Variants in TYW1B observed in about 807,000 individuals in gnomAD.
TYW1B encodes the protein S-adenosyl-L-methionine-dependent tRNA 4-demethylwyosine synthase TYW1B.
Under a neutral mutation model 86.9 loss-of-function variants are expected in TYW1B, and 73 were observed. That is an observed-to-expected ratio of 0.84 (90% CI 0.70 to 1.02). The LOEUF (loss-of-function observed/expected upper bound fraction) is 1.02. TYW1B is among the 50% of genes least tolerant of loss of function. The pLI is 0.00. For missense variants in TYW1B, 637 were observed against 827.4 expected (o/e 0.77, Z 2.82); for synonymous variants, 248 against 292.8 (o/e 0.85, Z 1.56).
chr7:72,660,832 T>C (rs1813310471), intron 11 of TYW1B, among the ~76,000 whole-genome samples: 1 of 151,984 alleles, frequency 6.6e-6, no homozygotes, highest in African/African-American at 2.4e-5. Flanking sequence ...AAAAATGCAC[T>C]TTAGAATTAG....
chr7:72,761,885 C>T (rs1266379657), intron 7 of TYW1B, among the ~76,000 whole-genome samples: 2 of 151,108 alleles, frequency 1.3e-5, no homozygotes, highest in Non-Finnish European at 2.9e-5. Flanking sequence ...AGCAGAAAGT[C>T]CCAGCACATC....
At chr7:72,669,134 CTTTTTTTTT>C (rs781821639) in intron 11 of TYW1B, among the ~76,000 whole-genome samples, 38 of 81,524 alleles carry the variant, frequency 4.7e-4, no homozygotes, top group Non-Finnish European at 5.6e-4. Flanking sequence ...TAATTTTAAA[CTTTTTTTTT>C]TTTTTTTTTT....
At chr7:72,793,299 T>G (rs35517441) in intron 6 of TYW1B, among the ~76,000 whole-genome samples, 102,398 of 150,880 alleles carry the variant, frequency 0.68, 35,709 homozygotes, top group Non-Finnish European at 0.77. Context: ...ATCGCATCAC[T>G]GCACTCCAGC....
rs114348696 is a variant in TYW1B, at chr7:72,818,839, C to T, written c.136-3358G>A. Among the ~76,000 whole-genome samples, 1,007 of 152,156 alleles carry T rather than the reference C, an allele frequency of 6.6e-3. 15 individuals carry two copies. Among genetic ancestry groups the T allele is most frequent in the African/African-American group, 0.021 (869 of 41,502 alleles). ...GCCAGATCTCATGAGAACTCACTCA[C>T]TGTCACGAGGACGGTACAAGGGAGA... On this transcript the variant is annotated intron_variant, in intron 2 of 13. Coordinates refer to ENST00000620995, the MANE Select transcript of TYW1B (RefSeq NM_001145440.3).
chr7:72,779,257 T>C (rs1198929638), intron 6 of TYW1B, among the ~76,000 whole-genome samples: 1 of 152,208 alleles, frequency 6.6e-6, no homozygotes, highest in Non-Finnish European at 1.5e-5. Flanking sequence ...AGGTCTGACA[T>C]TTGCTTCAAA....
chr7:72,662,338 C>T (rs1181085529), intron 11 of TYW1B, among the ~76,000 whole-genome samples: 1 of 151,994 alleles, frequency 6.6e-6, no homozygotes, highest in Non-Finnish European at 1.5e-5. Context: ...TGGACCAGGT[C>T]GGGGTCTCCC....
chr7:72,653,346 C>T (rs1813109692), intron 11 of TYW1B, among the ~76,000 whole-genome samples: 1 of 152,194 alleles, frequency 6.6e-6, no homozygotes, highest in African/African-American at 2.4e-5. Flanking sequence ...GTGGCTCACG[C>T]CTGTAATCCC....
chr7:72,783,137 G>T (rs564161533), intron 6 of TYW1B, among the ~76,000 whole-genome samples: 1 of 152,188 alleles, frequency 6.6e-6, no homozygotes, highest in East Asian at 1.9e-4. Context: ...GGTGGCTCAC[G>T]CCTGTAATCC....
chr7:72,638,579 T>C (rs1387994359), intron 11 of TYW1B, among the ~76,000 whole-genome samples: 4 of 152,192 alleles, frequency 2.6e-5, no homozygotes, highest in Admixed American at 1.3e-4. Context: ...ACCTGGAAGC[T>C]TTCCCATTAA....
At chr7:72,698,014 CA>C (rs1352513118) in intron 10 of TYW1B, 3 of 153,988 alleles carry the variant, frequency 1.9e-5, no homozygotes, top group Non-Finnish European at 4.4e-5. Flanking sequence ...GTAAGAAATT[CA>C]AGTAAACAGT....
intron 13 of TYW1B, among the ~76,000 whole-genome samples, chr7:72,584,264 T>C (rs1361723845): frequency 1.3e-5 from 2 of 152,192 alleles, no homozygotes; most frequent in African/African-American, 4.8e-5. Context: ...AGGATGGTCT[T>C]GAATTCCAGG....
intron 11 of TYW1B, among the ~76,000 whole-genome samples, chr7:72,657,362 A>G (rs553137310): frequency 9.2e-5 from 14 of 152,264 alleles, no homozygotes; most frequent in Admixed American, 9.2e-4. Context: ...CCATAAAGCA[A>G]ACATATATTT....
At chr7:72,785,323 A>G (rs1261896653) in intron 6 of TYW1B, among the ~76,000 whole-genome samples, 1 of 147,968 alleles carries the variant, frequency 6.8e-6, no homozygotes, top group Non-Finnish European at 1.5e-5. Context: ...GGAATAGTTA[A>G]TATATATTCT....
intron 13 of TYW1B, among the ~76,000 whole-genome samples, chr7:72,600,037 T>C (rs184562501): frequency 3.5e-4 from 54 of 152,156 alleles, no homozygotes; most frequent in Middle Eastern, 3.4e-3. Context: ...GAGGTTTATA[T>C]GGAAAGGGAA....
intron 13 of TYW1B, among the ~76,000 whole-genome samples, chr7:72,584,849 C>A (rs1811238884): frequency 6.6e-6 from 1 of 152,180 alleles, no homozygotes; most frequent in African/African-American, 2.4e-5. Flanking sequence ...AATTATTTCT[C>A]TACTCAAGTA....
chr7:72,789,179 G>A (rs1353242435), intron 6 of TYW1B, among the ~76,000 whole-genome samples: 2 of 151,064 alleles, frequency 1.3e-5, no homozygotes, highest in African/African-American at 4.9e-5. Flanking sequence ...TGTCACCCAG[G>A]CTGGAGTGCA....
chr7:72,751,120 C>G (rs1787493271), intron 7 of TYW1B, among the ~76,000 whole-genome samples: 1 of 152,116 alleles, frequency 6.6e-6, no homozygotes, highest in South Asian at 2.1e-4. Context: ...TCACTGCAAC[C>G]TCCACCTCCT....
At chr7:72,747,139 C>T (rs1554463995) in intron 7 of TYW1B, among the ~76,000 whole-genome samples, 1 of 152,156 alleles carries the variant, frequency 6.6e-6, no homozygotes, top group Non-Finnish European at 1.5e-5. Flanking sequence ...CAAATCTCAA[C>T]TTGAATTGTA....
chr7:72,695,802 C>T (rs1814302620), intron 10 of TYW1B, among the ~76,000 whole-genome samples: 1 of 152,096 alleles, frequency 6.6e-6, no homozygotes, highest in Admixed American at 6.6e-5. Flanking sequence ...CACTACGTTA[C>T]CTAGGCTGGT....
Sources: gnomAD v4.1 joint callset for allele counts (sites outside exome capture counted in the v4.1 genomes callset) on GRCh38, gnomAD v4.1.1 for gene constraint, MANE v1.5 for transcripts, NCBI Gene and HGNC (gene_info 2026-07-23, HGNC 2026-07-21) for gene names.